The following FTO variants were observed in gnomAD, a reference collection of about 807,000 sequenced individuals.
The protein encoded by FTO is FTO alpha-ketoglutarate dependent dioxygenase.
A neutral mutation model predicts 63.9 loss-of-function variants in FTO; 47 were observed. The ratio of observed to expected loss-of-function variants is 0.74; its 90% CI spans 0.58 to 0.94. The LOEUF (loss-of-function observed/expected upper bound fraction) is 0.94. Among genes scored for constraint, FTO ranks in the 40% least tolerant of loss-of-function variants. The probability of loss-of-function intolerance (pLI) is 0.00; values close to 1 mark genes in which losing one functional copy is unlikely to be tolerated. For missense variants in FTO, 562 were observed against 618.1 expected (o/e 0.91, Z 0.96); for synonymous variants, 207 against 224.4 (o/e 0.92, Z 0.69).
At chr16:54,077,280 G>C (rs2086021765) in intron 8 of FTO, among the ~76,000 whole-genome samples, 1 of 152,158 alleles carries the variant, frequency 6.6e-6, no homozygotes, top group Non-Finnish European at 1.5e-5. Context: ...GCAATATACT[G>C]TCCTAGGAAA....
At chr16:53,979,568 C>A (rs1273218588) in intron 8 of FTO, 11 of 337,264 alleles carry the variant, frequency 3.3e-5, no homozygotes, top group Non-Finnish European at 5.3e-5. Context: ...TGTGTGTGTG[C>A]GCGCGTGTGT....
chr16:54,027,752 C>T lies in FTO; in HGVS notation c.1365-84010C>T, dbSNP rs531736443. 2.6e-5 allele frequency among the ~76,000 whole-genome samples: 4 copies of T among 152,280 alleles called. No individual in the cohort carries two copies. In the East Asian group the frequency reaches 5.8e-4, roughly 22 times the overall value. On this transcript the variant is annotated intron_variant, in intron 8 of 8. Transcript: ENST00000471389. The stretch of plus-strand genomic sequence containing the variant: ...TAGCCAAAATGGAGAATGGTACCCC[C>T]TGAAGCAATCGTGAGTTAATGTCTC...
chr16:53,917,266 A>T (rs1201172172), intron 7 of FTO, among the ~76,000 whole-genome samples: 1 of 152,230 alleles, frequency 6.6e-6, no homozygotes, highest in Non-Finnish European at 1.5e-5. Flanking sequence ...CCTGCCTCAC[A>T]GAAAGTTCCT....
At chr16:53,930,861 T>C (rs549203875) in intron 7 of FTO, among the ~76,000 whole-genome samples, 7 of 152,362 alleles carry the variant, frequency 4.6e-5, no homozygotes, top group African/African-American at 1.7e-4. Context: ...TTATCCATTT[T>C]ATGAGTTTAT....
chr16:53,718,657 G>GT (rs775770038), intron 1 of FTO, among the ~76,000 whole-genome samples: 91 of 151,714 alleles, frequency 6.0e-4, no homozygotes, highest in Non-Finnish European at 1.2e-3. Context: ...TTCTTACTTT[G>GT]TTTTTTTCAG....
At chr16:53,748,036 A>G (rs111871601) in intron 1 of FTO, among the ~76,000 whole-genome samples, 1 of 152,120 alleles carries the variant, frequency 6.6e-6, no homozygotes. Context: ...CACTAGTACC[A>G]TGCTGTTTTA....
At chr16:54,103,434 G>C (rs887589093) in intron 8 of FTO, among the ~76,000 whole-genome samples, 1 of 152,168 alleles carries the variant, frequency 6.6e-6, no homozygotes, top group Non-Finnish European at 1.5e-5. Context: ...GGGAAAAAAA[G>C]CTGACCCCTA....
chr16:53,884,883 T>C (rs1461538671), intron 6 of FTO, among the ~76,000 whole-genome samples: 1 of 152,208 alleles, frequency 6.6e-6, no homozygotes, highest in East Asian at 1.9e-4. Context: ...GCAGGTTGTT[T>C]CCCTGCTATT....
At chr16:54,078,585 T>G (rs1379373264) in intron 8 of FTO, among the ~76,000 whole-genome samples, 5 of 152,050 alleles carry the variant, frequency 3.3e-5, no homozygotes, top group Non-Finnish European at 7.4e-5. Flanking sequence ...CATTACCATT[T>G]GGATTGTTTT....
intron 4 of FTO, among the ~76,000 whole-genome samples, chr16:53,850,148 C>CA (rs1201955135): frequency 6.6e-6 from 1 of 152,170 alleles, no homozygotes; most frequent in Non-Finnish European, 1.5e-5. Flanking sequence ...CTTCAGGCTG[C>CA]AGTTGGTAAG....
chr16:53,822,126 G>A (rs1402023999), intron 2 of FTO, among the ~76,000 whole-genome samples: 1 of 152,164 alleles, frequency 6.6e-6, no homozygotes, highest in Non-Finnish European at 1.5e-5. Context: ...GGGTGGCAGA[G>A]GAGGAATCCA....
At chr16:53,787,236 GTAGCACTATCTAT>G (rs1346857473) in intron 1 of FTO, among the ~76,000 whole-genome samples, 1 of 151,116 alleles carries the variant, frequency 6.6e-6, no homozygotes, top group Admixed American at 6.6e-5. Context: ...CTTGGTGGGA[GTAGCACTATCTAT>G]CACCTTATGG....
chr16:53,900,644 G>A (rs16952634), intron 7 of FTO, among the ~76,000 whole-genome samples: 17,720 of 108,518 alleles, frequency 0.16, 1,396 homozygotes, highest in Middle Eastern at 0.25. Flanking sequence ...TTGCAGATAA[G>A]TGTGGAGTTA....
chr16:53,807,389 C>T (rs1021765140), intron 1 of FTO, among the ~76,000 whole-genome samples: 2 of 152,104 alleles, frequency 1.3e-5, no homozygotes, highest in Non-Finnish European at 2.9e-5. Flanking sequence ...ATGTTTTATA[C>T]CTGTCTGATG....
chr16:53,879,200 GT>G (rs2080754036), intron 5 of FTO, among the ~76,000 whole-genome samples: 1 of 152,182 alleles, frequency 6.6e-6, no homozygotes, highest in African/African-American at 2.4e-5. Flanking sequence ...AGTTCTAGAT[GT>G]TGTAGTATAT....
chr16:53,801,956 C>T (rs111648920), intron 1 of FTO, among the ~76,000 whole-genome samples: 9 of 151,944 alleles, frequency 5.9e-5, no homozygotes, highest in African/African-American at 1.5e-4. Flanking sequence ...GACGAGGTTT[C>T]GCCATGTTGG....
At chr16:53,780,403 C>T (rs1310354475) in intron 1 of FTO, among the ~76,000 whole-genome samples, 23 of 152,166 alleles carry the variant, frequency 1.5e-4, no homozygotes, top group Admixed American at 1.5e-3. Flanking sequence ...AGCTGAGCTA[C>T]AGCGGTTTCC....
chr16:53,959,574 C>T (rs896712861), intron 8 of FTO, among the ~76,000 whole-genome samples: 1 of 151,974 alleles, frequency 6.6e-6, no homozygotes, highest in Admixed American at 6.6e-5. Flanking sequence ...GTACTGGACA[C>T]TTTTGTAACC....
At chr16:53,864,495 T>C (rs146032540) in intron 4 of FTO, among the ~76,000 whole-genome samples, 2 of 152,172 alleles carry the variant, frequency 1.3e-5, no homozygotes, top group African/African-American at 2.4e-5. Flanking sequence ...GCTTCTGTGG[T>C]CTTTTATATA....
Sources: allele counts gnomAD v4.1 joint callset (sites outside exome capture counted in the v4.1 genomes callset), GRCh38; gene constraint gnomAD v4.1.1; transcripts MANE v1.5; gene names NCBI Gene and HGNC (gene_info 2026-07-23, HGNC 2026-07-21).